The following ENKUR variants were observed in gnomAD, a reference collection of about 807,000 sequenced individuals.
ENKUR encodes enkurin, TRPC channel interacting protein.
Under a neutral mutation model 27.6 loss-of-function variants are expected in ENKUR, and 19 were observed. The ratio of observed to expected loss-of-function variants is 0.69; its 90% CI spans 0.48 to 1.01. ENKUR has a LOEUF of 1.01. Among genes scored for constraint, ENKUR ranks in the 50% least tolerant of loss-of-function variants. ENKUR has a pLI of 0.00. For missense variants in ENKUR, 312 were observed against 310.5 expected, an observed-to-expected ratio of 1.00 and a Z score of -0.04; for synonymous variants, 117 against 96.9, an observed-to-expected ratio of 1.21 and a Z score of -1.22.
At position 24,984,022 on chromosome 10, in the gene ENKUR, G is replaced by A; in HGVS notation, c.*348C>T. The A allele has an allele frequency of 4.3e-6, 1 of 231,418 alleles. No homozygotes were observed. Among genetic ancestry groups the A allele is most frequent in the Non-Finnish European group, 8.3e-6 (1 of 120,732 alleles). The allele number at this position is 231,418 out of a possible 1,614,324, so 14.3% of individuals were successfully genotyped here. ...AACATTTAAATAAGATATGCATAGT[G>A]AGTTGTGGAATAAAATAAGAGTATC... is the stretch of plus-strand genomic sequence containing the variant. On this transcript the variant is annotated 3_prime_UTR_variant, in exon 6 of 6. Coordinates refer to ENST00000331161, the MANE Select transcript of ENKUR (RefSeq NM_145010.4).
intron 4 of ENKUR, among the ~76,000 whole-genome samples, chr10:24,985,851 T>G (rs1404157669): frequency 1.3e-5 from 2 of 152,202 alleles, no homozygotes; most frequent in South Asian, 2.1e-4. Context: ...GTGAATTGCT[T>G]GAGCCCAGGA....
chr10:25,024,922 C>T (rs758413188), intron 2 of ENKUR: 1 of 1,613,880 alleles, frequency 6.2e-7, no homozygotes, highest in Admixed American at 1.7e-5. Context: ...AATAGATATT[C>T]TCAAATCTTC....
upstream of ENKUR, among the ~76,000 whole-genome samples, chr10:25,018,337 G>GCGGTGGA: frequency 6.6e-6 from 1 of 152,104 alleles, no homozygotes; most frequent in South Asian, 2.1e-4. Context: ...TGTGTCCACC[G>GCGGTGGA]CATGTCCACA....
intron 2 of ENKUR, among the ~76,000 whole-genome samples, chr10:25,034,913 G>A (rs1850991203): frequency 6.6e-6 from 1 of 152,088 alleles, no homozygotes; most frequent in African/African-American, 2.4e-5. Flanking sequence ...ACTGGCATCA[G>A]AAAGAAGAAA....
intron 4 of ENKUR, among the ~76,000 whole-genome samples, chr10:24,985,368 A>G (rs1849758219): frequency 6.6e-6 from 1 of 152,240 alleles, no homozygotes; most frequent in Non-Finnish European, 1.5e-5. Context: ...GTGGATGGCT[A>G]TATTTTCTTA....
intron 2 of ENKUR, among the ~76,000 whole-genome samples, chr10:25,030,055 T>G: frequency 6.6e-6 from 1 of 152,180 alleles, no homozygotes; most frequent in East Asian, 1.9e-4. Context: ...GATTTTATCT[T>G]TTTCTTGAAG....
intron 2 of ENKUR, chr10:25,024,915 A>G (rs765138642): frequency 1.2e-6 from 2 of 1,613,910 alleles, no homozygotes; most frequent in Non-Finnish European, 1.7e-6. Context: ...CACCGTCAAT[A>G]GATATTCTCA....
At chr10:25,046,254 T>C (rs1851120649) in intron 2 of ENKUR, among the ~76,000 whole-genome samples, 1 of 152,174 alleles carries the variant, frequency 6.6e-6, no homozygotes, top group African/African-American at 2.4e-5. Context: ...AAGGCCAAAA[T>C]GAGCTATTAA....
chr10:25,053,230 A>G (rs1851208631), intron 2 of ENKUR, among the ~76,000 whole-genome samples: 1 of 152,384 alleles, frequency 6.6e-6, no homozygotes, highest in South Asian at 2.1e-4. Context: ...ATGTGTATAC[A>G]AGGTGGAATG....
At chr10:25,019,311 T>C (rs902355348), upstream of ENKUR, among the ~76,000 whole-genome samples, 1 of 152,062 alleles carries the variant, frequency 6.6e-6, no homozygotes, top group Non-Finnish European at 1.5e-5. Flanking sequence ...CCCTCTCTAC[T>C]AAAAATACTA....
At chr10:25,050,289 T>G (rs1742588179) in intron 2 of ENKUR, among the ~76,000 whole-genome samples, 1 of 152,188 alleles carries the variant, frequency 6.6e-6, no homozygotes, top group South Asian at 2.1e-4. Context: ...GAAACCATTT[T>G]GTATTAGTCT....
intron 2 of ENKUR, chr10:25,024,704 G>T (rs780851173): frequency 1.2e-6 from 2 of 1,614,182 alleles, no homozygotes; most frequent in Non-Finnish European, 1.7e-6. Context: ...GTTAGTCAAG[G>T]ATTTATTTCT....
intron 1 of ENKUR, among the ~76,000 whole-genome samples, chr10:25,005,184 A>C (rs948025717): frequency 1.3e-5 from 2 of 152,158 alleles, no homozygotes; most frequent in Admixed American, 6.6e-5. Flanking sequence ...GTTTGAAGTC[A>C]GGCAGTGTCA....
chr10:25,057,714 A>G (rs923449339), intron 2 of ENKUR, among the ~76,000 whole-genome samples: 1 of 152,086 alleles, frequency 6.6e-6, no homozygotes, highest in African/African-American at 2.4e-5. Flanking sequence ...TTGCCTCCCA[A>G]TAGTGTTGGT....
chr10:24,997,721 G>A (rs983079382), intron 2 of ENKUR, among the ~76,000 whole-genome samples: 1 of 151,672 alleles, frequency 6.6e-6, no homozygotes, highest in African/African-American at 2.4e-5. Context: ...TATTCTAAAG[G>A]CCAATGAAAT....
rs1423225949 is a variant in ENKUR at position 25,015,875 on chromosome 10, G to A, written c.62C>T (p.Pro21Leu). ...YNLIPSDLKE[P>L]PQPPRYISIF... ...ATCCACATACCTAGGAGGCTGGGGAGGCTCCTTCAAGTCACTGGGTATGAG... is the reference window on the plus strand; with the variant it reads ...ATCCACATACCTAGGAGGCTGGGGAAGCTCCTTCAAGTCACTGGGTATGAG... The change falls in exon 1 of 6, where the codon CCT becomes CTT. Residue 21 changes from proline (P) to leucine (L), a missense_variant. Pro to Leu is a moderately conservative substitution (Grantham distance 98). Transcript: ENST00000331161. 2 of 1,605,958 alleles carry A rather than the reference G, an allele frequency of 1.2e-6. No homozygotes were observed. Among genetic ancestry groups the A allele is most frequent in the Admixed American group, 3.4e-5 (2 of 59,034 alleles).
At chr10:25,055,463 A>G (rs1851243698) in intron 2 of ENKUR, among the ~76,000 whole-genome samples, 1 of 151,128 alleles carries the variant, frequency 6.6e-6, no homozygotes. Context: ...CTTCCCAAAC[A>G]TGCCAAGTTG....
chr10:24,999,893 T>C (rs1043448325), intron 1 of ENKUR, among the ~76,000 whole-genome samples: 2 of 152,208 alleles, frequency 1.3e-5, no homozygotes, highest in African/African-American at 4.8e-5. Context: ...GGTCTATTAA[T>C]TTTATGAATC....
intron 2 of ENKUR, chr10:25,024,661 G>T: frequency 6.2e-7 from 1 of 1,614,200 alleles, no homozygotes; most frequent in African/African-American, 1.3e-5. Flanking sequence ...ACTTCCGCAG[G>T]TAGTTTATCA....
Sources: gnomAD v4.1 joint callset for allele counts (sites outside exome capture counted in the v4.1 genomes callset) on GRCh38, gnomAD v4.1.1 for gene constraint, MANE v1.5 for transcripts, NCBI Gene and HGNC (gene_info 2026-07-23, HGNC 2026-07-21) for gene names.